GHR: variants seen among roughly 807,000 people sequenced by gnomAD.
The protein encoded by GHR is GH receptor.
GHR carries 35 observed loss-of-function variants against 67.1 expected under a neutral mutation model. That is an observed-to-expected ratio of 0.52 (90% CI 0.40 to 0.69). GHR has a LOEUF of 0.69. GHR is among the 30% of genes least tolerant of loss of function. The probability of loss-of-function intolerance (pLI) is 0.00; values close to 1 mark genes in which losing one functional copy is unlikely to be tolerated. For synonymous variants in GHR, 272 were observed against 269.1 expected, an observed-to-expected ratio of 1.01 and a Z score of -0.10; for missense variants, 792 against 764.6, an observed-to-expected ratio of 1.04 and a Z score of -0.42.
At chr5:42,509,327 C>T (rs890771376) in intron 1 of GHR, among the ~76,000 whole-genome samples, 2 of 152,192 alleles carry the variant, frequency 1.3e-5, no homozygotes, top group Non-Finnish European at 2.9e-5. Context: ...TTCTTGAATC[C>T]ACTCACTTTC....
At position 42,424,914 on chromosome 5, in the gene GHR, CGCG is replaced by C; in HGVS notation, c.-12+960_-12+962del. 3.4e-5 allele frequency: 26 copies of C among 761,906 alleles called. No homozygotes were observed. The highest frequency in any genetic ancestry group is 4.2e-5 in the Non-Finnish European group (26 of 625,930). The allele number at this position is 761,906 out of a possible 1,614,324, so 47.2% of individuals were successfully genotyped here. ...TGTACGTGTGCGCTGTGTGTGCGCG[CGCG>C]AGTGTGCGCCTGGGGAGGCGTGTCG... On this transcript the variant is annotated intron_variant, in intron 1 of 9. Transcript: ENST00000230882. This position sits in a 1 kb window ranked among gnomAD's most constrained non-coding sequence, Gnocchi z 4.1.
intron 1 of GHR, among the ~76,000 whole-genome samples, chr5:42,532,545 C>T (rs1748022029): frequency 6.6e-6 from 1 of 152,122 alleles, no homozygotes; most frequent in Admixed American, 6.6e-5. Context: ...CTTCCCCAGT[C>T]TCATTATTTT....
chr5:42,631,134 A>T (rs1372047130), intron 3 of GHR, among the ~76,000 whole-genome samples: 2 of 152,116 alleles, frequency 1.3e-5, no homozygotes. Context: ...TCTGTATGTC[A>T]CAGGGTCTAA....
intron 2 of GHR, among the ~76,000 whole-genome samples, chr5:42,605,787 G>A (rs1752604041): frequency 6.6e-6 from 1 of 152,226 alleles, no homozygotes; most frequent in African/African-American, 2.4e-5. Flanking sequence ...TGCAGGAAGT[G>A]CCCTCATGCC....
At chr5:42,467,334 A>G (rs768338818) in intron 1 of GHR, 1 of 1,072,424 alleles carries the variant, frequency 9.3e-7, no homozygotes, top group Non-Finnish European at 1.5e-6. Flanking sequence ...GCTGATGTAC[A>G]ATAAGATTTG....
rs71608658 is a variant in GHR at position 42,670,865 on chromosome 5, TAAA to T, written c.137-18011_137-18009del. ...ATTTTTTTTAAAAAAAAGCAAAAAT[TAAA>T]AAAAAAAAAAAAATATATATATATA... On this transcript the variant is annotated intron_variant, in intron 3 of 9. Coordinates refer to ENST00000230882, the MANE Select transcript of GHR (RefSeq NM_000163.5). 9.2e-3 allele frequency among the ~76,000 whole-genome samples: 1,028 copies of T among 112,146 alleles called. 13 individuals carry two copies. The highest frequency in any genetic ancestry group is 0.075 in the South Asian group (250 of 3,318). 73.6% of individuals were successfully genotyped at this position (112,146 alleles called of 152,430 possible). A position where few individuals can be genotyped will look rare whatever the true frequency, so the allele number is the denominator to read the frequency against.
At chr5:42,705,704 C>G (rs1040489570) in intron 6 of GHR, among the ~76,000 whole-genome samples, 1 of 152,132 alleles carries the variant, frequency 6.6e-6, no homozygotes, top group Non-Finnish European at 1.5e-5. Flanking sequence ...TGGCCTCCAG[C>G]TCCATCCATG....
At chr5:42,590,393 G>A (rs1373074614) in intron 2 of GHR, among the ~76,000 whole-genome samples, 2 of 152,128 alleles carry the variant, frequency 1.3e-5, no homozygotes, top group African/African-American at 4.8e-5. Flanking sequence ...TTAAACTAGT[G>A]TTTTCTACTC....
Position 42,448,573 on chromosome 5 carries a change from C to CTATTATTAT in GHR, c.-12+24650_-12+24658dup, listed in dbSNP as rs56084873. ...TCCCAATCGGTGGGTTATCTGTTTA[C>CTATTATTAT]TATTATTATTATTATTATTATTATT... On this transcript the variant is annotated intron_variant, in intron 1 of 9. Transcript: ENST00000230882. Among the ~76,000 whole-genome samples, 429 of 144,328 alleles carry CTATTATTAT rather than the reference C, an allele frequency of 3.0e-3. 1 individual carries two copies. Among genetic ancestry groups the CTATTATTAT allele is most frequent in the East Asian group, 6.4e-3 (31 of 4,870 alleles). The allele number at this position is 144,328 out of a possible 152,430, so 94.7% of individuals were successfully genotyped here. A position where few individuals can be genotyped will look rare whatever the true frequency, so the allele number is the denominator to read the frequency against.
At chr5:42,485,405 AAT>A (rs1279361273) in intron 1 of GHR, among the ~76,000 whole-genome samples, 1 of 152,134 alleles carries the variant, frequency 6.6e-6, no homozygotes, top group Admixed American at 6.5e-5. Flanking sequence ...CCTTCATCAT[AAT>A]ATGTTTTGTG....
chr5:42,633,894 T>C (rs913697609), intron 3 of GHR, among the ~76,000 whole-genome samples: 2 of 152,210 alleles, frequency 1.3e-5, no homozygotes, highest in Non-Finnish European at 2.9e-5. Flanking sequence ...CCTTCATAGA[T>C]TTTGTCCTGT....
At chr5:42,478,646 A>G (rs1579781932) in intron 1 of GHR, among the ~76,000 whole-genome samples, 1 of 152,294 alleles carries the variant, frequency 6.6e-6, no homozygotes, top group Admixed American at 6.5e-5. Flanking sequence ...CTTTGAAGCA[A>G]TTGTGAATGG....
chr5:42,465,992 T>C (rs2972410), intron 1 of GHR: 121,258 of 618,726 alleles, frequency 0.2, 13,014 homozygotes, highest in African/African-American at 0.29. Flanking sequence ...TCTTCCAACT[T>C]GTCTTATTCC....
intron 5 of GHR, among the ~76,000 whole-genome samples, chr5:42,698,179 T>G (rs1002344234): frequency 1.3e-5 from 2 of 152,168 alleles, no homozygotes; most frequent in African/African-American, 4.8e-5. Flanking sequence ...GAGTTGTCAA[T>G]ATAGCATGTA....
chr5:42,623,324 A>G (rs1209762941), intron 2 of GHR, among the ~76,000 whole-genome samples: 1 of 152,128 alleles, frequency 6.6e-6, no homozygotes, highest in Non-Finnish European at 1.5e-5. Flanking sequence ...TGGTAAGTAC[A>G]CTGTGAGGCG....
chr5:42,494,424 GA>G (rs1351134330), intron 1 of GHR, among the ~76,000 whole-genome samples: 1 of 151,970 alleles, frequency 6.6e-6, no homozygotes, highest in Non-Finnish European at 1.5e-5. Flanking sequence ...ACATGTTGAG[GA>G]AAAAATGTCT....
chr5:42,503,901 C>A (rs1057169061), intron 1 of GHR, among the ~76,000 whole-genome samples: 3 of 151,936 alleles, frequency 2.0e-5, no homozygotes, highest in Non-Finnish European at 4.4e-5. Context: ...CTGATTAGGA[C>A]TCTTAGCAGA....
At chr5:42,620,877 A>T (rs1221422468) in intron 2 of GHR, among the ~76,000 whole-genome samples, 4 of 152,126 alleles carry the variant, frequency 2.6e-5, no homozygotes, top group African/African-American at 9.7e-5. Context: ...TTATAAGGGA[A>T]GAGATAGTCA....
intron 3 of GHR, among the ~76,000 whole-genome samples, chr5:42,631,720 T>C (rs769047234): frequency 1.3e-5 from 2 of 152,196 alleles, no homozygotes; most frequent in African/African-American, 2.4e-5. Context: ...TATACAATTA[T>C]AATTTACACG....
Sources: gnomAD v4.1 joint callset for allele counts (sites outside exome capture counted in the v4.1 genomes callset) on GRCh38, gnomAD v4.1.1 for gene constraint, Gnocchi (gnomAD v3.1) non-coding constraint, MANE v1.5 for transcripts, NCBI Gene and HGNC (gene_info 2026-07-23, HGNC 2026-07-21) for gene names.